Variants in UNK observed in about 807,000 individuals in gnomAD.
UNK encodes the protein RING finger protein unkempt homolog.
In UNK, 32 loss-of-function variants were observed where a neutral mutation model predicts 97.6. The ratio of observed to expected loss-of-function variants is 0.33; its 90% CI spans 0.25 to 0.44. The LOEUF is 0.44. UNK is among the 20% of genes least tolerant of loss of function. UNK has a pLI of 1.00. For synonymous variants in UNK, 441 were observed against 461.2 expected (o/e 0.96, Z 0.56); for missense variants, 771 against 1,098.4 (o/e 0.70, Z 4.21).
intron 1 of UNK, among the ~76,000 whole-genome samples, chr17:75,787,637 C>G (rs897126888): frequency 5.3e-5 from 8 of 151,564 alleles, no homozygotes; most frequent in Admixed American, 4.6e-4. Context: ...ACCAACCTGG[C>G]CAACATGGAA....
In UNK at chr17:75,819,379, G is replaced by A; in HGVS notation, c.1547-305G>A. The A allele has an allele frequency of 1.2e-5, 5 of 423,640 alleles. No individual in the cohort carries two copies. The highest frequency in any genetic ancestry group is 2.2e-5 in the Non-Finnish European group (5 of 231,528). 26.2% of individuals were successfully genotyped at this position (423,640 alleles called of 1,614,324 possible). A position where few individuals can be genotyped will look rare whatever the true frequency, so the allele number is the denominator to read the frequency against. Reference sequence around the variant, plus strand: ...CTGATCCCGGGGCTGAGACCCTTGAGTTGTAACATCAGGGGACAAGACCCT... The same window carrying A: ...CTGATCCCGGGGCTGAGACCCTTGAATTGTAACATCAGGGGACAAGACCCT... On this transcript the variant is annotated intron_variant, in intron 11 of 15. Coordinates refer to ENST00000589666, the MANE Select transcript of UNK (RefSeq NM_001080419.3). This position sits in a 1 kb window ranked among gnomAD's most constrained non-coding sequence, Gnocchi z 5.4.
rs889183329 is a variant in UNK at position 75,824,514 on chromosome 17, GTATGTA to G, written c.*108_*113del. On this transcript the variant is annotated 3_prime_UTR_variant, in exon 16 of 16. Coordinates refer to ENST00000589666, the MANE Select transcript of UNK (RefSeq NM_001080419.3). The surrounding 1 kb of genome is among the most constrained non-coding windows in gnomAD (Gnocchi z 4.9). ...AATATATATATATATGTGTATGTAT[GTATGTA>G]TATGTATATGATTATGTATATGTAT... The G allele has an allele frequency of 9.4e-5, 82 of 873,872 alleles. No individual in the cohort carries two copies. The highest frequency in any genetic ancestry group is 6.1e-4 in the East Asian group (15 of 24,698). The allele number at this position is 873,872 out of a possible 1,614,324, so 54.1% of individuals were successfully genotyped here.
chr17:75,794,849 A>T (rs958870058), intron 1 of UNK, among the ~76,000 whole-genome samples: 1 of 152,178 alleles, frequency 6.6e-6, no homozygotes, highest in East Asian at 1.9e-4. Flanking sequence ...AAATGAGTTC[A>T]TACATGTAAA....
chr17:75,791,623 C>T (rs1203718751), intron 1 of UNK: 4 of 539,732 alleles, frequency 7.4e-6, no homozygotes, highest in Non-Finnish European at 7.1e-6. Context: ...CATTTAATCC[C>T]ACAAAATCCC....
chr17:75,801,463 G>A (rs2061857052), intron 1 of UNK, among the ~76,000 whole-genome samples: 1 of 152,122 alleles, frequency 6.6e-6, no homozygotes, highest in Non-Finnish European at 1.5e-5. Flanking sequence ...ATTGCAATGA[G>A]CTGTGATTAC....
Position 75,784,891 on chromosome 17 carries a change from G to A in UNK, c.11G>A (p.Gly4Asp). Reference sequence around the variant, plus strand: ...CAGGAAGACAAGACCATGTCGAAGGGCCCCGGGCCCGGCGGCTCCGCAGCT... The same window carrying A: ...CAGGAAGACAAGACCATGTCGAAGGACCCCGGGCCCGGCGGCTCCGCAGCT... MSK[G>D]PGPGGSAASS... The change falls in exon 1 of 16, where the codon GGC becomes GAC. Residue 4 changes from glycine to aspartate, a missense_variant. Around this residue, in one of 5 missense-constraint regions of UNK, gnomAD observed 34 missense variants for 24.7 expected, o/e 1.37. Coordinates refer to ENST00000589666, the MANE Select transcript of UNK (RefSeq NM_001080419.3). 1 of 1,587,892 alleles carries A rather than the reference G, an allele frequency of 6.3e-7. No individual in the cohort carries two copies. The highest frequency in any genetic ancestry group is 8.6e-7 in the Non-Finnish European group (1 of 1,169,566).
At position 75,813,224 on chromosome 17, in the gene UNK, C is replaced by G; in HGVS notation, c.758+11C>G. ...GAAGCACAAATACAGGTCCTTAGGCCCCAGGAGGCCAGCCACGGGAGGGAG... is the reference window on the plus strand; with the variant it reads ...GAAGCACAAATACAGGTCCTTAGGCGCCAGGAGGCCAGCCACGGGAGGGAG... On this transcript the variant is annotated intron_variant, in intron 5 of 15. Transcript: ENST00000589666. 1 of 1,568,932 alleles carries G rather than the reference C, an allele frequency of 6.4e-7. No homozygotes were observed. Among genetic ancestry groups the G allele is most frequent in the South Asian group, 1.2e-5 (1 of 85,432 alleles).
At chr17:75,811,862 CT>C (rs367692016) in intron 2 of UNK, among the ~76,000 whole-genome samples, 21 of 152,304 alleles carry the variant, frequency 1.4e-4, no homozygotes, top group African/African-American at 5.1e-4. Context: ...TGGTGTGTGC[CT>C]GTAGTCCCAG....
intron 1 of UNK, among the ~76,000 whole-genome samples, chr17:75,795,334 T>C (rs2061796272): frequency 6.6e-6 from 1 of 151,878 alleles, no homozygotes; most frequent in African/African-American, 2.4e-5. Flanking sequence ...GTTGTTGTTG[T>C]TGTTGTTGTT....
chr17:75,805,093 A>G (rs2061899046), intron 1 of UNK, among the ~76,000 whole-genome samples: 1 of 150,882 alleles, frequency 6.6e-6, no homozygotes, highest in Non-Finnish European at 1.5e-5. Flanking sequence ...AGGCAGGAGA[A>G]TGGCGTGAAC....
chr17:75,786,318 G>A (rs555441336), intron 1 of UNK, among the ~76,000 whole-genome samples: 1 of 152,298 alleles, frequency 6.6e-6, no homozygotes, highest in African/African-American at 2.4e-5. Context: ...GAAACTTCAC[G>A]TAATTGGAAC....
rs1466613875 is a variant in UNK, at chr17:75,809,880, C to T, written c.225C>T (p.Ile75=). The T allele has an allele frequency of 2.0e-5, 33 of 1,613,798 alleles. No homozygotes were observed. Among genetic ancestry groups the T allele is most frequent in the Non-Finnish European group, 2.8e-5 (33 of 1,179,912 alleles). ...TGAACCAGCGGCGCCGCCGGTCCAT[C>T]CGCCGTCGGGACGGCACCTTCAATT... The part of the protein sequence containing the change: ...HFVNQRRRRS[I]RRRDGTFNYS... The change falls in exon 2 of 16, where the codon ATC becomes ATT. Residue 75 remains isoleucine (I), a synonymous_variant. Coordinates refer to ENST00000589666, the MANE Select transcript of UNK (RefSeq NM_001080419.3).
intron 14 of UNK, 51 bp from the exon 15 acceptor site, chr17:75,823,214 G>T (rs2062084983): frequency 6.6e-7 from 1 of 1,526,686 alleles, no homozygotes; most frequent in South Asian, 1.2e-5. Context: ...GCTCTCTGGG[G>T]ACAGGGGCAG....
In UNK at chr17:75,816,888, C is replaced by T; in HGVS notation, c.1080C>T (p.Ser360=). Residue 360 remains serine, a synonymous_variant, in exon 8 of 16, where the codon AGC becomes AGT. Coordinates refer to ENST00000589666, the MANE Select transcript of UNK (RefSeq NM_001080419.3). The surrounding 1 kb of genome is among the most constrained non-coding windows in gnomAD (Gnocchi z 4.0). ...ACTCGGTGCCTGTGAGCCCCTCCAG[C>T]CCGCATGCCCCTGACCTCAGTGCCG... ...AGDSVPVSPS[S]PHAPDLSALL... 6.2e-7 allele frequency: 1 copy of T among 1,605,412 alleles called. No individual in the cohort carries two copies.
At chr17:75,805,966 G>A (rs1431045697) in intron 1 of UNK, among the ~76,000 whole-genome samples, 1 of 152,030 alleles carries the variant, frequency 6.6e-6, no homozygotes, top group Admixed American at 6.6e-5. Context: ...TCTAAAGTCC[G>A]CTGGGCGTGG....
chr17:75,812,998 T>G, intron 4 of UNK, 80 bp from the exon 5 acceptor site: 2 of 1,475,762 alleles, frequency 1.4e-6, no homozygotes, highest in Non-Finnish European at 1.8e-6. Flanking sequence ...TGGCTTCTCC[T>G]TCCCTCCACT....
intron 1 of UNK, chr17:75,791,671 T>A (rs2061765240): frequency 1.1e-6 from 1 of 937,532 alleles, no homozygotes; most frequent in South Asian, 4.9e-5. Context: ...GGTAGATTCT[T>A]AAACTTAACA....
At position 75,809,901 on chromosome 17, in the gene UNK, C is replaced by T; in HGVS notation, c.246C>T (p.Phe82=). The change falls in exon 2 of 16, where the codon TTC becomes TTT. Residue 82 remains phenylalanine, a synonymous_variant. Coordinates refer to ENST00000589666, the MANE Select transcript of UNK (RefSeq NM_001080419.3). ...CCATCCGCCGTCGGGACGGCACCTT[C>T]AATTACAGCCCTGACGTCTACTGCA... ...RRSIRRRDGT[F]NYSPDVYCTK... The T allele has an allele frequency of 1.2e-6, 2 of 1,613,900 alleles. No individual in the cohort carries two copies. The highest frequency in any genetic ancestry group is 1.3e-5 in the African/African-American group (1 of 75,088).
Position 75,824,594 on chromosome 17 carries a change from A to G in UNK, c.*177A>G. ...TATACATTTCCGTATGTGTGCAGGT[A>G]TGCGTGGTGGTGTGGACAGTGTCTG... On this transcript the variant is annotated 3_prime_UTR_variant, in exon 16 of 16. Transcript: ENST00000589666. This position sits in a 1 kb window ranked among gnomAD's most constrained non-coding sequence, Gnocchi z 4.9. 1 of 385,232 alleles carries G rather than the reference A, an allele frequency of 2.6e-6. No homozygotes were observed. Among genetic ancestry groups the G allele is most frequent in the Non-Finnish European group, 3.9e-6 (1 of 253,950 alleles). 23.9% of individuals were successfully genotyped at this position (385,232 alleles called of 1,614,324 possible).
Sources: allele counts gnomAD v4.1 joint callset (sites outside exome capture counted in the v4.1 genomes callset), GRCh38; gene constraint gnomAD v4.1.1; regional missense constraint gnomAD v4.1.1; non-coding constraint Gnocchi (gnomAD v3.1); transcripts MANE v1.5; gene names NCBI Gene and HGNC (gene_info 2026-07-23, HGNC 2026-07-21).